Variants in WDFY4 observed in about 807,000 individuals in gnomAD.
WDFY4 encodes the protein WD repeat- and FYVE domain-containing protein 4.
In WDFY4, 169 loss-of-function variants were observed where a neutral mutation model predicts 351.9. The ratio of observed to expected loss-of-function variants is 0.48; its 90% CI spans 0.42 to 0.55. The LOEUF (loss-of-function observed/expected upper bound fraction) is 0.55. Among genes scored for constraint, WDFY4 ranks in the 20% least tolerant of loss-of-function variants. WDFY4 has a pLI of 0.00. For synonymous variants in WDFY4, 1,622 were observed against 1,574.6 expected, an observed-to-expected ratio of 1.03 and a Z score of -0.71; for missense variants, 3,803 against 3,935.6, an observed-to-expected ratio of 0.97 and a Z score of 0.90.
chr10:48,764,124 C>G (rs1194753222), intron 13 of WDFY4, among the ~76,000 whole-genome samples: 1 of 152,226 alleles, frequency 6.6e-6, no homozygotes, highest in African/African-American at 2.4e-5. Flanking sequence ...CACTTGCTCT[C>G]TCTCCTCTAT....
At chr10:48,868,175 T>C (rs1361442954) in intron 40 of WDFY4, among the ~76,000 whole-genome samples, 1 of 151,946 alleles carries the variant, frequency 6.6e-6, no homozygotes, top group East Asian at 1.9e-4. Flanking sequence ...TTGTCTAGTT[T>C]CCCCCTTAAA....
chr10:48,742,845 G>C lies in WDFY4; in HGVS notation c.1879-123G>C, dbSNP rs763208329. 15 of 874,586 alleles carry C rather than the reference G, an allele frequency of 1.7e-5. No homozygotes were observed. In the Admixed American group the frequency reaches 2.9e-4, roughly 17 times the overall value. 54.2% of individuals were successfully genotyped at this position (874,586 alleles called of 1,614,324 possible). A position where few individuals can be genotyped will look rare whatever the true frequency, so the allele number is the denominator to read the frequency against. ...CCAATGTTTCAGAGTGATCCTTCCTGTAACTTGTTGGCCTGAAGTCGTTGA... is the reference window on the plus strand; with the variant it reads ...CCAATGTTTCAGAGTGATCCTTCCTCTAACTTGTTGGCCTGAAGTCGTTGA... On this transcript the variant is annotated intron_variant, in intron 11 of 61. Coordinates refer to ENST00000325239, the MANE Select transcript of WDFY4 (RefSeq NM_001394531.1).
intron 47 of WDFY4, among the ~76,000 whole-genome samples, chr10:48,940,663 G>T (rs1162641209): frequency 1.3e-5 from 2 of 152,134 alleles, no homozygotes; most frequent in Non-Finnish European, 2.9e-5. Flanking sequence ...ATATGATTTG[G>T]CTTGGTGTGG....
chr10:48,918,446 C>T (rs905324614), intron 47 of WDFY4, among the ~76,000 whole-genome samples: 1 of 152,132 alleles, frequency 6.6e-6, no homozygotes, highest in Non-Finnish European at 1.5e-5. Context: ...TCAGATAAAG[C>T]ATATTTCAGA....
chr10:48,828,017 G>A (rs528994285), intron 36 of WDFY4, among the ~76,000 whole-genome samples: 91 of 152,056 alleles, frequency 6.0e-4, no homozygotes, highest in Non-Finnish European at 1.1e-3. Context: ...CCTCTGTTTA[G>A]CAAGATTGAC....
intron 39 of WDFY4, among the ~76,000 whole-genome samples, chr10:48,840,064 T>C (rs1490198218): frequency 1.3e-5 from 2 of 152,360 alleles, no homozygotes; most frequent in South Asian, 2.1e-4. Flanking sequence ...ATATCCATTA[T>C]GCTCTGATTA....
chr10:48,820,983 C>A, intron 33 of WDFY4, 79 bp from the exon 34 acceptor site: 7 of 997,586 alleles, frequency 7.0e-6, no homozygotes, highest in Non-Finnish European at 1.1e-5. Flanking sequence ...AGTGTCCCAG[C>A]CAGGCTAGGG....
intron 47 of WDFY4, among the ~76,000 whole-genome samples, chr10:48,927,433 G>A (rs1589918176): frequency 6.6e-6 from 1 of 152,280 alleles, no homozygotes; most frequent in African/African-American, 2.4e-5. Context: ...CCTTATTCCA[G>A]CACTTCTGTG....
intron 60 of WDFY4, among the ~76,000 whole-genome samples, chr10:48,979,173 T>C (rs888378825): frequency 3.3e-5 from 5 of 152,166 alleles, no homozygotes; most frequent in African/African-American, 1.2e-4. Flanking sequence ...CAAAGATCAA[T>C]AATATCACAA....
chr10:48,819,941 A>G (rs1589685962), intron 32 of WDFY4, among the ~76,000 whole-genome samples: 1 of 152,048 alleles, frequency 6.6e-6, no homozygotes, highest in Non-Finnish European at 1.5e-5. Flanking sequence ...TGGCTTGGAG[A>G]TGTGAAGCAG....
chr10:48,696,126 A>G (rs980492415), intron 1 of WDFY4, among the ~76,000 whole-genome samples: 2 of 152,186 alleles, frequency 1.3e-5, no homozygotes, highest in Admixed American at 6.5e-5. Flanking sequence ...AAGCAGGTGT[A>G]GGGCCCTGGG....
intron 39 of WDFY4, among the ~76,000 whole-genome samples, chr10:48,861,221 T>C (rs1225638112): frequency 6.6e-6 from 1 of 152,196 alleles, no homozygotes; most frequent in African/African-American, 2.4e-5. Context: ...CCATCACTAA[T>C]AATTTAGAAG....
intron 49 of WDFY4, 90 bp downstream of exon 49, chr10:48,943,539 G>A (rs1312754554): frequency 7.2e-7 from 1 of 1,381,848 alleles, no homozygotes; most frequent in Non-Finnish European, 9.6e-7. Context: ...GCCTCTGCTA[G>A]GAGGTTCCGT....
chr10:48,723,741 A>T (rs1048231303), intron 5 of WDFY4, among the ~76,000 whole-genome samples, 174 bp downstream of exon 5: 2 of 151,742 alleles, frequency 1.3e-5, no homozygotes, highest in African/African-American at 4.8e-5. Context: ...AGTCTGCCCC[A>T]CTAGCAAAAT....
chr10:48,817,275 G>T lies in WDFY4; in HGVS notation c.5371G>T (p.Ala1791Ser). 6.4e-7 allele frequency: 1 copy of T among 1,551,668 alleles called. No homozygotes were observed. The highest frequency in any genetic ancestry group is 2.4e-5 in the East Asian group (1 of 40,912). Residue 1791 changes from alanine (A) to serine (S), a missense_variant, in exon 32 of 62, where the codon GCA (alanine) becomes TCA (serine). Around this residue, in one of 3 missense-constraint regions of WDFY4, gnomAD observed 3,054 missense variants for 3,148.6 expected, o/e 0.97. Transcript: ENST00000325239. ...PLAGSEDGAW[A>S]QTFPASVLQF... ...GGCAGGTTCTGAGGATGGTGCCTGGGCACAGACCTTCCCGGCCAGCGTGCT... is the reference window on the plus strand; with the variant it reads ...GGCAGGTTCTGAGGATGGTGCCTGGTCACAGACCTTCCCGGCCAGCGTGCT...
chr10:48,931,191 G>T (rs2133683002), intron 47 of WDFY4, among the ~76,000 whole-genome samples: 1 of 152,240 alleles, frequency 6.6e-6, no homozygotes, highest in East Asian at 1.9e-4. Context: ...ACTGGAGCTA[G>T]ATTTGCCTTT....
At chr10:48,730,529 G>A (rs1167182954) in intron 8 of WDFY4, among the ~76,000 whole-genome samples, 2 of 152,212 alleles carry the variant, frequency 1.3e-5, no homozygotes, top group Admixed American at 6.5e-5. Flanking sequence ...GGAAAAGGTA[G>A]GGGTGGGTCA....
intron 47 of WDFY4, among the ~76,000 whole-genome samples, chr10:48,919,671 G>T (rs575622279): frequency 6.6e-6 from 1 of 152,150 alleles, no homozygotes; most frequent in Non-Finnish European, 1.5e-5. Context: ...CAAAACAATT[G>T]TCTGGAGCCC....
At chr10:48,966,166 ACGTT>A (rs1411711350) in intron 54 of WDFY4, among the ~76,000 whole-genome samples, 9 of 152,176 alleles carry the variant, frequency 5.9e-5, no homozygotes, top group African/African-American at 2.2e-4. Flanking sequence ...AAAGGGAGCC[ACGTT>A]ATCTAGGGAA....
Sources: allele counts gnomAD v4.1 joint callset (sites outside exome capture counted in the v4.1 genomes callset), GRCh38; gene constraint gnomAD v4.1.1; regional missense constraint gnomAD v4.1.1; transcripts MANE v1.5; gene names NCBI Gene and HGNC (gene_info 2026-07-23, HGNC 2026-07-21).